The following TXNL4A variants were observed in gnomAD, a reference collection of about 807,000 sequenced individuals.
TXNL4A encodes the protein thioredoxin like 4A, also known as thioredoxin-like protein 4A.
In TXNL4A, 17 loss-of-function variants were observed where a neutral mutation model predicts 14.6. That is an observed-to-expected ratio of 1.16 (90% CI 0.80 to 1.74). The LOEUF is 1.74. TXNL4A is among the 40% of genes most tolerant of loss of function. TXNL4A has a pLI of 0.00. For synonymous variants in TXNL4A, 83 were observed against 70.6 expected (o/e 1.18, Z -0.88); for missense variants, 74 against 195.2 (o/e 0.38, Z 3.70).
intron 1 of TXNL4A, chr18:79,985,746 C>T (rs1402338148): frequency 2.0e-5 from 3 of 152,150 alleles, no homozygotes; most frequent in Non-Finnish European, 4.4e-5. Context: ...TACAACACAT[C>T]TAGGAAAAAT....
At chr18:80,013,367 C>T (rs527507861) in intron 1 of TXNL4A, among the ~76,000 whole-genome samples, 41 of 151,988 alleles carry the variant, frequency 2.7e-4, no homozygotes, top group African/African-American at 8.9e-4. Flanking sequence ...ATGATCCCCC[C>T]GCCTCGGCCT....
rs1449799448 is a variant in TXNL4A at position 79,972,656 on chromosome 18, G to A, written c.*1029C>T. Reference sequence around the variant, plus strand: ...ATTTTTGTATTTTTAGTAGAGACGGGATTTCACCATGTTGGCCAGGCTGGT... The same window carrying A: ...ATTTTTGTATTTTTAGTAGAGACGGAATTTCACCATGTTGGCCAGGCTGGT... On this transcript the variant is annotated 3_prime_UTR_variant, in exon 3 of 3. Coordinates refer to ENST00000269601, the MANE Select transcript of TXNL4A (RefSeq NM_006701.5). 4 of 152,176 alleles carry A rather than the reference G, an allele frequency of 2.6e-5. No individual in the cohort carries two copies. Among genetic ancestry groups the A allele is most frequent in the Non-Finnish European group, 5.9e-5 (4 of 68,068 alleles). 9.4% of individuals were successfully genotyped at this position (152,176 alleles called of 1,614,324 possible).
At chr18:79,996,382 G>A (rs929625458) in intron 1 of TXNL4A, among the ~76,000 whole-genome samples, 6 of 152,096 alleles carry the variant, frequency 3.9e-5, no homozygotes, top group African/African-American at 1.4e-4. Context: ...AGTAATGAAA[G>A]AATTAACATG....
At chr18:80,006,604 G>A (rs1211018964) in intron 1 of TXNL4A, among the ~76,000 whole-genome samples, 1 of 152,174 alleles carries the variant, frequency 6.6e-6, no homozygotes, top group Non-Finnish European at 1.5e-5. Context: ...AATTGAAGCG[G>A]TGTCATTTGT....
intron 1 of TXNL4A, among the ~76,000 whole-genome samples, chr18:79,994,708 A>G (rs2051649306): frequency 6.6e-6 from 1 of 152,196 alleles, no homozygotes; most frequent in Admixed American, 6.5e-5. Context: ...CTGCCAATCG[A>G]GAACTCTCTA....
rs572064096 is a variant in TXNL4A, at chr18:80,000,180, G to A, written c.-60-22479C>T. ...GGAACTGGGTAACAGGTAGAGGTCG[G>A]AACAGTTTGGAGGGCTCAGAAGAAG... On this transcript the variant is annotated intron_variant, in intron 1 of 2. Coordinates refer to the TXNL4A transcript ENST00000585474. Among the ~76,000 whole-genome samples the A allele has an allele frequency of 1.0e-3, 152 of 152,314 alleles. 1 individual carries two copies. The highest frequency in any genetic ancestry group is 1.8e-3 in the Non-Finnish European group (121 of 68,022).
chr18:79,999,696 A>G (rs2051686983), intron 1 of TXNL4A, among the ~76,000 whole-genome samples: 2 of 152,142 alleles, frequency 1.3e-5, no homozygotes, highest in Non-Finnish European at 2.9e-5. Flanking sequence ...AATCCAGAAA[A>G]TGACCATAAA....
At chr18:80,010,367 A>G (rs561615516) in intron 1 of TXNL4A, among the ~76,000 whole-genome samples, 2 of 152,144 alleles carry the variant, frequency 1.3e-5, no homozygotes, top group African/African-American at 2.4e-5. Context: ...CCCAGGACCT[A>G]CTGGAAAGCT....
rs139760018 is a variant in TXNL4A at position 79,978,969 on chromosome 18, G to A, written c.154-1268C>T. ...TTTCTTTTTTTTGAGACGGAGTCTC[G>A]ATCTGTCGCCTGGTCTGGAGTGCAG... On this transcript the variant is annotated intron_variant, in intron 1 of 2. Coordinates refer to ENST00000269601, the MANE Select transcript of TXNL4A (RefSeq NM_006701.5). Among the ~76,000 whole-genome samples the A allele has an allele frequency of 1.9e-3, 277 of 148,878 alleles. 7 individuals carry two copies. In the East Asian group the frequency reaches 0.037, roughly 20 times the overall value.
chr18:79,990,404 T>C (rs2051618919), upstream of TXNL4A, among the ~76,000 whole-genome samples: 1 of 152,242 alleles, frequency 6.6e-6, no homozygotes, highest in Admixed American at 6.5e-5. Flanking sequence ...TTCAGGTTCA[T>C]CTGTGCCTTG....
At position 79,982,603 on chromosome 18, in the gene TXNL4A, G is replaced by A. The variant is rs543478802; in HGVS notation, c.154-4902C>T. Among the ~76,000 whole-genome samples the A allele has an allele frequency of 6.6e-6, 1 of 152,242 alleles. No individual in the cohort carries two copies. Among genetic ancestry groups the A allele is most frequent in the East Asian group, 1.9e-4 (1 of 5,174 alleles). On this transcript the variant is annotated intron_variant, in intron 1 of 2. Transcript: ENST00000269601. The surrounding 1 kb of genome is among the most constrained non-coding windows in gnomAD (Gnocchi z 4.0). ...GCAGGAGACTCCGGGGAGCTGTGCC[G>A]AGTGCCCCAGAGAGGTTACCAGAAA...
At chr18:79,984,991 A>C (rs2051523152) in intron 1 of TXNL4A, among the ~76,000 whole-genome samples, 1 of 152,116 alleles carries the variant, frequency 6.6e-6, no homozygotes, top group South Asian at 2.1e-4. Flanking sequence ...AGGCACATGA[A>C]ATTGTCTCCT....
intron 1 of TXNL4A, among the ~76,000 whole-genome samples, chr18:80,004,354 C>T (rs1372966708): frequency 6.6e-6 from 1 of 152,298 alleles, no homozygotes; most frequent in Non-Finnish European, 1.5e-5. Context: ...CAGGGAAACT[C>T]TCCCTTCAGA....
At position 79,976,563 on chromosome 18, in the gene TXNL4A, TGA is replaced by T. The variant is rs371108690; in HGVS notation, c.257+1033_257+1034del. On this transcript the variant is annotated intron_variant, in intron 2 of 2. Transcript: ENST00000269601. The stretch of plus-strand genomic sequence containing the variant: ...CCATGGTTCAGACCTTGTGAGACCC[TGA>T]GCAGGAATCCAGCGGGCCCTGCCTG... Among the ~76,000 whole-genome samples the T allele has an allele frequency of 1.9e-3, 291 of 152,270 alleles. 1 individual carries two copies. The highest frequency in any genetic ancestry group is 6.4e-3 in the African/African-American group (264 of 41,560).
At chr18:80,013,851 T>G (rs2051788860) in intron 1 of TXNL4A, among the ~76,000 whole-genome samples, 2 of 152,266 alleles carry the variant, frequency 1.3e-5, no homozygotes, top group South Asian at 4.1e-4. Flanking sequence ...TACCTGAAAC[T>G]AGGAACAACA....
chr18:79,996,225 G>A lies in TXNL4A; in HGVS notation c.-60-18524C>T, dbSNP rs1020368897. 5.3e-5 allele frequency among the ~76,000 whole-genome samples: 8 copies of A among 151,784 alleles called. No homozygotes were observed. The East Asian group carries it at 9.7e-4, about 18-fold the overall frequency. ...GACTAGGGTGCTCTGAGAAAGTACAGGGTTTCACTGCTCCAAATATTCTAC... is the reference window on the plus strand; with the variant it reads ...GACTAGGGTGCTCTGAGAAAGTACAAGGTTTCACTGCTCCAAATATTCTAC... On this transcript the variant is annotated intron_variant, in intron 1 of 2. Transcript: ENST00000585474.
intron 2 of TXNL4A, chr18:79,977,241 T>C (rs1406628450): frequency 3.3e-6 from 1 of 301,586 alleles, no homozygotes; most frequent in African/African-American, 2.2e-5. Context: ...ACAGGCGCTT[T>C]GAGCCACTGT....
chr18:80,009,695 G>A (rs760993559), intron 1 of TXNL4A, among the ~76,000 whole-genome samples: 12 of 152,208 alleles, frequency 7.9e-5, no homozygotes, highest in African/African-American at 2.4e-4. Context: ...GGGCCAGGTC[G>A]GCAACTTGAG....
intron 1 of TXNL4A, 77 bp from the exon 2 acceptor site, chr18:79,977,778 A>C (rs2051400930): frequency 9.8e-7 from 1 of 1,019,508 alleles, no homozygotes; most frequent in Non-Finnish European, 1.5e-6. Flanking sequence ...ATTTATAAAA[A>C]CAAAACCAAG....
Sources: gnomAD v4.1 joint callset for allele counts (sites outside exome capture counted in the v4.1 genomes callset) on GRCh38, gnomAD v4.1.1 for gene constraint, Gnocchi (gnomAD v3.1) non-coding constraint, MANE v1.5 for transcripts, NCBI Gene and HGNC (gene_info 2026-07-23, HGNC 2026-07-21) for gene names.